Variants in ARHGAP10 observed in about 807,000 individuals in gnomAD.
The protein encoded by ARHGAP10 is Rho GTPase activating protein 10, also known as rho GTPase-activating protein 10.
A neutral mutation model predicts 108.6 loss-of-function variants in ARHGAP10; 87 were observed. The ratio of observed to expected loss-of-function variants is 0.80; its 90% confidence interval spans 0.67 to 0.96. The LOEUF (loss-of-function observed/expected upper bound fraction) is 0.96. Ranked by LOEUF, ARHGAP10 falls within the 40% of genes least tolerant of loss-of-function variation. The probability of loss-of-function intolerance (pLI) is 0.00; values close to 1 mark genes in which losing one functional copy is unlikely to be tolerated. For synonymous variants in ARHGAP10, 347 were observed against 341.1 expected, an observed-to-expected ratio of 1.02 and a Z score of -0.19; for missense variants, 939 against 954.5, an observed-to-expected ratio of 0.98 and a Z score of 0.21.
chr4:148,071,648 C>A lies in ARHGAP10; in HGVS notation c.2273-345C>A, dbSNP rs919669799. Among the ~76,000 whole-genome samples, 3 of 146,214 alleles carry A rather than the reference C, an allele frequency of 2.1e-5. No individual in the cohort carries two copies. In the South Asian group the frequency reaches 6.7e-4, roughly 33 times the overall value. The stretch of plus-strand genomic sequence containing the variant: ...AAACAAACAAACAAACAAAAAAAAA[C>A]ACAAAAAGCTTGAGTTTGACTTTAA... On this transcript the variant is annotated intron_variant, in intron 22 of 22. Transcript: ENST00000336498.
chr4:147,989,838 C>T (rs565161405), intron 18 of ARHGAP10, among the ~76,000 whole-genome samples: 2 of 152,266 alleles, frequency 1.3e-5, no homozygotes, highest in African/African-American at 4.8e-5. Flanking sequence ...AAAGCAAAGA[C>T]AGGCATAGGA....
intron 13 of ARHGAP10, among the ~76,000 whole-genome samples, chr4:147,915,617 G>GTGTA (rs1553962711): frequency 1.3e-5 from 2 of 152,078 alleles, no homozygotes; most frequent in Non-Finnish European, 2.9e-5. Flanking sequence ...GTTTTTATAA[G>GTGTA]TATATAGATG....
intron 1 of ARHGAP10, 24 bp from the exon 2 acceptor site, chr4:147,822,703 T>C (rs1579084099): frequency 1.2e-6 from 2 of 1,603,582 alleles, no homozygotes; most frequent in Middle Eastern, 1.7e-4. Context: ...AGAACCCAAG[T>C]CATCATTATA....
intron 19 of ARHGAP10, among the ~76,000 whole-genome samples, chr4:148,031,965 A>G (rs1728167318): frequency 6.6e-6 from 1 of 152,116 alleles, no homozygotes; most frequent in Admixed American, 6.5e-5. Flanking sequence ...CTGGTCATGG[A>G]TTGGTTGTAG....
intron 13 of ARHGAP10, among the ~76,000 whole-genome samples, chr4:147,920,365 G>A (rs1051960608): frequency 3.0e-5 from 4 of 133,022 alleles, no homozygotes; most frequent in Non-Finnish European, 4.5e-5. Context: ...TGCAATGAGC[G>A]GATTGCGCCA....
intron 14 of ARHGAP10, among the ~76,000 whole-genome samples, chr4:147,945,894 A>T (rs1312308237): frequency 6.6e-6 from 1 of 152,144 alleles, no homozygotes; most frequent in African/African-American, 2.4e-5. Context: ...GGGTCCCACC[A>T]GCGGGCTCCC....
At chr4:147,778,328 A>G (rs1730390020) in intron 1 of ARHGAP10, among the ~76,000 whole-genome samples, 1 of 152,118 alleles carries the variant, frequency 6.6e-6, no homozygotes, top group South Asian at 2.1e-4. Context: ...TATTCTGGGA[A>G]AACAATTAGA....
intron 19 of ARHGAP10, among the ~76,000 whole-genome samples, chr4:148,023,733 G>A (rs1368771031): frequency 6.6e-6 from 1 of 152,230 alleles, no homozygotes; most frequent in African/African-American, 2.4e-5. Flanking sequence ...TAAAATTAAA[G>A]CAGATCTTTT....
intron 1 of ARHGAP10, among the ~76,000 whole-genome samples, chr4:147,754,206 A>G (rs997337922): frequency 1.3e-5 from 2 of 152,220 alleles, no homozygotes; most frequent in Non-Finnish European, 2.9e-5. Context: ...GCTAAGAAGC[A>G]GATGCAAGTT....
chr4:148,067,341 A>G (rs1370760844), intron 22 of ARHGAP10, among the ~76,000 whole-genome samples: 1 of 152,222 alleles, frequency 6.6e-6, no homozygotes, highest in African/African-American at 2.4e-5. Context: ...TCTCTTAGCT[A>G]GTTAAAAGCA....
intron 18 of ARHGAP10, among the ~76,000 whole-genome samples, chr4:148,012,368 G>C (rs28564360): frequency 2.0e-5 from 3 of 152,114 alleles, no homozygotes; most frequent in East Asian, 1.9e-4. Flanking sequence ...TTAAGGTGCA[G>C]GAGCGAGGTA....
At chr4:148,009,416 G>A (rs149140490) in intron 18 of ARHGAP10, among the ~76,000 whole-genome samples, 16 of 152,316 alleles carry the variant, frequency 1.1e-4, no homozygotes, top group African/African-American at 2.4e-4. Context: ...ATAGCCATGA[G>A]GCGCCATGCC....
intron 3 of ARHGAP10, among the ~76,000 whole-genome samples, chr4:147,831,152 GA>G (rs1452806492): frequency 6.6e-6 from 1 of 152,226 alleles, no homozygotes; most frequent in Non-Finnish European, 1.5e-5. Context: ...GGGTGCTAGT[GA>G]AATCTTGGCT....
At chr4:147,793,843 A>C (rs771072537) in intron 1 of ARHGAP10, among the ~76,000 whole-genome samples, 24 of 152,364 alleles carry the variant, frequency 1.6e-4, no homozygotes, top group Non-Finnish European at 2.9e-4. Context: ...GGAATGAAGA[A>C]GTGAACAAGT....
At chr4:147,741,362 C>T (rs758319409) in intron 1 of ARHGAP10, among the ~76,000 whole-genome samples, 1 of 152,094 alleles carries the variant, frequency 6.6e-6, no homozygotes, top group Non-Finnish European at 1.5e-5. Flanking sequence ...CAGAGTAAGC[C>T]AGTTCATGTC....
intron 13 of ARHGAP10, among the ~76,000 whole-genome samples, chr4:147,923,775 G>T (rs1445360054): frequency 1.3e-5 from 2 of 152,200 alleles, no homozygotes; most frequent in Non-Finnish European, 2.9e-5. Flanking sequence ...CTTTAGAATT[G>T]TATGGGGTTC....
intron 5 of ARHGAP10, chr4:147,864,288 A>G (rs531565258): frequency 1.4e-4 from 22 of 152,644 alleles, no homozygotes; most frequent in African/African-American, 5.3e-4. Flanking sequence ...AGGGCCGCAG[A>G]TGGGCGTCCA....
intron 16 of ARHGAP10, among the ~76,000 whole-genome samples, chr4:147,959,615 G>A (rs1340223931): frequency 2.0e-5 from 3 of 152,110 alleles, no homozygotes; most frequent in African/African-American, 7.2e-5. Flanking sequence ...AGAACATGCG[G>A]TGTTTGGTTT....
intron 4 of ARHGAP10, among the ~76,000 whole-genome samples, chr4:147,854,305 A>G (rs895357136): frequency 6.6e-6 from 1 of 152,208 alleles, no homozygotes; most frequent in African/African-American, 2.4e-5. Context: ...ATCAGAAGAC[A>G]TGGCCAACAT....
Sources: allele counts gnomAD v4.1 joint callset (sites outside exome capture counted in the v4.1 genomes callset), GRCh38; gene constraint gnomAD v4.1.1; transcripts MANE v1.5; gene names NCBI Gene and HGNC (gene_info 2026-07-23, HGNC 2026-07-21).